The following SLC4A5 variants were observed in gnomAD, a reference collection of about 807,000 sequenced individuals.
SLC4A5 encodes electrogenic sodium bicarbonate cotransporter 4.
In SLC4A5, 96 loss-of-function variants were observed where a neutral mutation model predicts 120.4. That is an observed-to-expected ratio of 0.80 (90% confidence interval 0.68 to 0.94). The LOEUF is 0.94. Ranked by LOEUF, SLC4A5 falls within the 40% of genes least tolerant of loss-of-function variation. The pLI is 0.00. For synonymous variants in SLC4A5, 550 were observed against 571.1 expected (o/e 0.96, Z 0.53); for missense variants, 1,259 against 1,459.5 (o/e 0.86, Z 2.24).
In SLC4A5 at chr2:74,221,538, G is replaced by T; in HGVS notation, c.3332-37C>A. ...ATGAAAAATGTCAGATGTGGAGCAG[G>T]TTTGAGCACCATATTTCTCCGGGCT... On this transcript the variant is annotated intron_variant, in intron 29 of 30. Transcript: ENST00000394019. The T allele has an allele frequency of 1.9e-6, 3 of 1,604,946 alleles. No homozygotes were observed. The South Asian group carries it at 3.3e-5, about 18-fold the overall frequency.
intron 7 of SLC4A5, among the ~76,000 whole-genome samples, chr2:74,294,377 C>G (rs780492859): frequency 5.3e-5 from 8 of 152,150 alleles, no homozygotes; most frequent in Admixed American, 6.5e-5. Context: ...TTCTGGAAAA[C>G]CAAAAGGGTA....
chr2:74,236,425 G>A (rs1489856216), intron 21 of SLC4A5, among the ~76,000 whole-genome samples: 1 of 151,980 alleles, frequency 6.6e-6, no homozygotes, highest in Non-Finnish European at 1.5e-5. Flanking sequence ...CTTGCAAGGT[G>A]AGGACCACTG....
rs1670680403 is a variant in SLC4A5, at chr2:74,248,252, C to A, written c.1787+101G>T. 3 of 1,476,090 alleles carry A rather than the reference C, an allele frequency of 2.0e-6. No homozygotes were observed. The South Asian group carries it at 4.0e-5, about 19-fold the overall frequency. 91.4% of individuals were successfully genotyped at this position (1,476,090 alleles called of 1,614,324 possible). The stretch of plus-strand genomic sequence containing the variant: ...ATAGTTAAAGATGGCTTTGGCACCA[C>A]CGCACCACCACCTACCCTTGGGACC... On this transcript the variant is annotated intron_variant, in intron 18 of 30. Transcript: ENST00000394019.
chr2:74,254,495 T>C, intron 14 of SLC4A5, 124 bp downstream of exon 14: 2 of 738,284 alleles, frequency 2.7e-6, no homozygotes, highest in East Asian at 4.9e-5. Flanking sequence ...TTTAGCATCC[T>C]ATGTAGTGCC....
chr2:74,305,189 G>T (rs752797694), intron 6 of SLC4A5, among the ~76,000 whole-genome samples: 2 of 152,234 alleles, frequency 1.3e-5, no homozygotes, highest in South Asian at 2.1e-4. Context: ...AAGAACTAAA[G>T]TTACCAAGAG....
rs553462881 is a variant in SLC4A5, at chr2:74,242,032, C to G, written c.2080G>C (p.Ala694Pro). ...GTGTCTGGTGCCAATGGGGCTGAAG[C>G]ATTGAACACGGTTGTATTCACTGTG... Residue 694 changes from alanine to proline, a missense_variant, in exon 20 of 31, where the codon GCT becomes CCT. Ala to Pro is a conservative substitution (Grantham distance 27, BLOSUM62 -1). Transcript: ENST00000394019. 2.5e-6 allele frequency: 4 copies of G among 1,606,990 alleles called. No individual in the cohort carries two copies. The African/African-American group carries it at 5.3e-5, about 21-fold the overall frequency.
At chr2:74,252,804 T>C (rs1670833597) in intron 15 of SLC4A5, among the ~76,000 whole-genome samples, 170 bp downstream of exon 15, 1 of 152,124 alleles carries the variant, frequency 6.6e-6, no homozygotes, top group Non-Finnish European at 1.5e-5. Context: ...CCCAGGCTGG[T>C]TTCAAACTCC....
intron 7 of SLC4A5, among the ~76,000 whole-genome samples, chr2:74,292,500 G>A (rs927124716): frequency 6.6e-6 from 1 of 152,152 alleles, no homozygotes; most frequent in Non-Finnish European, 1.5e-5. Context: ...TCCACATAAT[G>A]AGAAATGCCA....
At chr2:74,273,727 G>A (rs1446695616) in intron 8 of SLC4A5, among the ~76,000 whole-genome samples, 1 of 152,184 alleles carries the variant, frequency 6.6e-6, no homozygotes, top group Non-Finnish European at 1.5e-5. Flanking sequence ...TTTCCCAACA[G>A]ATACTGAAGA....
At chr2:74,315,766 C>T (rs747412432) in intron 5 of SLC4A5, among the ~76,000 whole-genome samples, 2 of 151,784 alleles carry the variant, frequency 1.3e-5, no homozygotes, top group Non-Finnish European at 2.9e-5. Flanking sequence ...CACTGCATTA[C>T]AGCCTGGGTG....
At chr2:74,232,323 G>A (rs1431861372) in intron 24 of SLC4A5, 146 bp downstream of exon 24, 1 of 923,524 alleles carries the variant, frequency 1.1e-6, no homozygotes, top group African/African-American at 1.7e-5. Flanking sequence ...CTCCCTCCAG[G>A]GATAGCACTC....
At chr2:74,248,209 C>T (rs943292814) in intron 18 of SLC4A5, 144 bp downstream of exon 18, 2 of 1,122,136 alleles carry the variant, frequency 1.8e-6, no homozygotes, top group African/African-American at 3.1e-5. Flanking sequence ...CAGGAGGGGC[C>T]ACCTGGTAGC....
At chr2:74,239,855 T>G (rs1670381766) in intron 20 of SLC4A5, among the ~76,000 whole-genome samples, 1 of 151,974 alleles carries the variant, frequency 6.6e-6, no homozygotes, top group South Asian at 2.1e-4. Flanking sequence ...GAGTGTCTCA[T>G]CTTTATTCTC....
chr2:74,328,305 C>A, intron 4 of SLC4A5, 119 bp from the exon 5 acceptor site: 1 of 459,638 alleles, frequency 2.2e-6, no homozygotes, highest in Non-Finnish European at 2.9e-6. Flanking sequence ...GGGGGAGGGA[C>A]GCTCCTGCAG....
chr2:74,238,091 G>A (rs2103937491), intron 21 of SLC4A5, among the ~76,000 whole-genome samples: 1 of 152,150 alleles, frequency 6.6e-6, no homozygotes, highest in South Asian at 2.1e-4. Flanking sequence ...GACAGAGTGA[G>A]ACTCTGTCTC....
At chr2:74,264,265 G>A (rs781325314) in exon 10 of SLC4A5, 13 of 1,614,094 alleles carry the variant, frequency 8.1e-6, no homozygotes, top group African/African-American at 5.3e-5. Flanking sequence ...CTGGCCGCAG[G>A]AGACCATCCT....
intron 7 of SLC4A5, among the ~76,000 whole-genome samples, chr2:74,302,487 C>A (rs903659204): frequency 6.6e-6 from 1 of 152,042 alleles, no homozygotes; most frequent in Non-Finnish European, 1.5e-5. Context: ...CGTGGTGGTA[C>A]GTGCCTGTAA....
At chr2:74,252,043 G>T in intron 16 of SLC4A5, 136 bp downstream of exon 16, 1 of 937,670 alleles carries the variant, frequency 1.1e-6, no homozygotes, top group Non-Finnish European at 1.6e-6. Flanking sequence ...GGGTTCAAGG[G>T]CTCTGGGAGG....
At chr2:74,227,645 C>A in intron 26 of SLC4A5, 165 bp downstream of exon 26, 2 of 1,243,392 alleles carry the variant, frequency 1.6e-6, no homozygotes, top group South Asian at 2.7e-5. Flanking sequence ...ATTTATTTTG[C>A]CTGATAGCAT....
Sources: allele counts gnomAD v4.1 joint callset (sites outside exome capture counted in the v4.1 genomes callset), GRCh38; gene constraint gnomAD v4.1.1; transcripts MANE v1.5; gene names NCBI Gene and HGNC (gene_info 2026-07-23, HGNC 2026-07-21).